Variants in ABAT observed in about 807,000 individuals in gnomAD.
ABAT encodes 4-aminobutyrate aminotransferase, mitochondrial.
A neutral mutation model predicts 64.6 loss-of-function variants in ABAT; 45 were observed. The ratio of observed to expected loss-of-function variants is 0.70; its 90% CI spans 0.55 to 0.89. The LOEUF (loss-of-function observed/expected upper bound fraction) is 0.89. Among genes scored for constraint, ABAT ranks in the 40% least tolerant of loss-of-function variants. The pLI is 0.00. For missense variants in ABAT, 633 were observed against 658.4 expected, an observed-to-expected ratio of 0.96 and a Z score of 0.42; for synonymous variants, 297 against 250.5, an observed-to-expected ratio of 1.19 and a Z score of -1.75.
intron 2 of ABAT, among the ~76,000 whole-genome samples, chr16:8,742,245 T>C (rs922862598): frequency 6.6e-6 from 1 of 152,190 alleles, no homozygotes; most frequent in Non-Finnish European, 1.5e-5. Context: ...CTCCAGTCAT[T>C]TCTCTCTGGA....
intron 3 of ABAT, 126 bp downstream of exon 3, chr16:8,746,224 G>A (rs2059324729): frequency 2.6e-6 from 2 of 773,818 alleles, no homozygotes; most frequent in Admixed American, 4.0e-5. Flanking sequence ...CACCACCAGA[G>A]ATCTGAGATA....
rs886052434 is a variant in ABAT at position 8,781,860 on chromosome 16, C to G, written c.*430C>G. On this transcript the variant is annotated 3_prime_UTR_variant, in exon 16 of 16. Transcript: ENST00000268251. The surrounding 1 kb of genome is among the most constrained non-coding windows in gnomAD (Gnocchi z 4.5). ...TTCTGTGATCACGGATGTTGGCTCCCCCTCGCCCTATGCAAGCAAACACAC... is the reference window on the plus strand; with the variant it reads ...TTCTGTGATCACGGATGTTGGCTCCGCCTCGCCCTATGCAAGCAAACACAC... 2.9e-6 allele frequency: 1 copy of G among 339,580 alleles called. No homozygotes were observed. Among genetic ancestry groups the G allele is most frequent in the South Asian group, 2.5e-5 (1 of 40,546 alleles). 21.0% of individuals were successfully genotyped at this position (339,580 alleles called of 1,614,324 possible).
intron 1 of ABAT, among the ~76,000 whole-genome samples, chr16:8,718,645 C>T (rs989718242): frequency 6.6e-6 from 1 of 152,184 alleles, no homozygotes; most frequent in Non-Finnish European, 1.5e-5. Flanking sequence ...CCTGAGCCAG[C>T]CCCTGCCTCT....
chr16:8,761,186 C>G (rs2059785690), intron 6 of ABAT, among the ~76,000 whole-genome samples: 2 of 149,832 alleles, frequency 1.3e-5, no homozygotes, highest in Admixed American at 1.3e-4. Flanking sequence ...CCCACCTTCC[C>G]TATCCCCCCA....
intron 2 of ABAT, among the ~76,000 whole-genome samples, chr16:8,744,769 G>A (rs1042739205): frequency 2.6e-5 from 4 of 151,752 alleles, no homozygotes; most frequent in Non-Finnish European, 5.9e-5. Context: ...TTGGGAGGCC[G>A]AGGCAGGAGA....
intron 1 of ABAT, among the ~76,000 whole-genome samples, chr16:8,679,022 A>C (rs1034697544): frequency 6.6e-6 from 1 of 152,164 alleles, no homozygotes; most frequent in African/African-American, 2.4e-5. Context: ...CCATGCATTA[A>C]AAATGAGCAA....
chr16:8,763,301 T>G (rs2059850564), intron 6 of ABAT, among the ~76,000 whole-genome samples: 2 of 152,152 alleles, frequency 1.3e-5, no homozygotes, highest in Non-Finnish European at 2.9e-5. Context: ...TCTCTGGTCC[T>G]CAGTTCCCCC....
intron 1 of ABAT, among the ~76,000 whole-genome samples, chr16:8,676,746 G>A (rs1413632531): frequency 6.6e-6 from 1 of 152,150 alleles, no homozygotes; most frequent in Non-Finnish European, 1.5e-5. Flanking sequence ...AAGAACTTTG[G>A]ACAGGTCCTG....
Position 8,769,304 on chromosome 16 carries a change from C to T in ABAT, c.816+331C>T, listed in dbSNP as rs376282857. On this transcript the variant is annotated intron_variant, in intron 11 of 15. Coordinates refer to ENST00000268251, the MANE Select transcript of ABAT (RefSeq NM_020686.6). ...AATATGGGGCTGGGCACGGTGGCTC[C>T]GCCTGTAATCCCAGCACTTTGGGAG... is the stretch of plus-strand genomic sequence containing the variant. 1.6e-4 allele frequency among the ~76,000 whole-genome samples: 24 copies of T among 152,178 alleles called. No homozygotes were observed. In the East Asian group the frequency reaches 3.5e-3, roughly 22 times the overall value.
At chr16:8,677,461 G>T (rs1030460848) in intron 1 of ABAT, among the ~76,000 whole-genome samples, 1 of 152,204 alleles carries the variant, frequency 6.6e-6, no homozygotes, top group Admixed American at 6.5e-5. Context: ...AGTCATTCAT[G>T]TCTCTGAACC....
chr16:8,681,300 T>A (rs1283336950), intron 1 of ABAT, among the ~76,000 whole-genome samples: 1 of 151,566 alleles, frequency 6.6e-6, no homozygotes, highest in Middle Eastern at 3.4e-3. Flanking sequence ...CCAGAGTTCT[T>A]TATATAAATA....
At chr16:8,691,347 G>A (rs1306557822) in intron 1 of ABAT, among the ~76,000 whole-genome samples, 2 of 152,138 alleles carry the variant, frequency 1.3e-5, no homozygotes, top group Non-Finnish European at 2.9e-5. Context: ...CTGAACACTT[G>A]CACCTGCCTG....
At chr16:8,676,752 T>A (rs191018502) in intron 1 of ABAT, among the ~76,000 whole-genome samples, 1 of 152,302 alleles carries the variant, frequency 6.6e-6, no homozygotes, top group Admixed American at 6.5e-5. Context: ...TTTGGACAGG[T>A]CCTGAGGATG....
In ABAT at chr16:8,678,166, T is replaced by C. The variant is rs184911868; in HGVS notation, c.-42+3455T>C. 1.7e-4 allele frequency among the ~76,000 whole-genome samples: 26 copies of C among 152,334 alleles called. No individual in the cohort carries two copies. The East Asian group carries it at 3.9e-3, about 23-fold the overall frequency. On this transcript the variant is annotated intron_variant, in intron 1 of 15. Coordinates refer to ENST00000268251, the MANE Select transcript of ABAT (RefSeq NM_020686.6). ...GGAGATGTGTCTAGCTGTGGAGCCT[T>C]CCAATATTAATAACAATTTTTAATT...
intron 1 of ABAT, among the ~76,000 whole-genome samples, chr16:8,730,071 A>G (rs2058675688): frequency 6.6e-6 from 1 of 152,194 alleles, no homozygotes; most frequent in Non-Finnish European, 1.5e-5. Flanking sequence ...GCCTGAAGAC[A>G]GGATAATGAC....
At chr16:8,728,424 G>T (rs925507599) in intron 1 of ABAT, among the ~76,000 whole-genome samples, 1 of 152,160 alleles carries the variant, frequency 6.6e-6, no homozygotes, top group East Asian at 1.9e-4. Flanking sequence ...AATGGAAATT[G>T]AATTGTGTGA....
At chr16:8,727,301 C>A (rs897984684) in intron 1 of ABAT, among the ~76,000 whole-genome samples, 3 of 152,070 alleles carry the variant, frequency 2.0e-5, no homozygotes, top group Non-Finnish European at 2.9e-5. Flanking sequence ...TCCAGATGAC[C>A]GCACCTTCAC....
At chr16:8,695,343 C>T (rs1405462581) in intron 1 of ABAT, among the ~76,000 whole-genome samples, 2 of 152,314 alleles carry the variant, frequency 1.3e-5, no homozygotes, top group South Asian at 2.1e-4. Context: ...AAGAGGCCAG[C>T]GCCTTGCTGT....
At position 8,764,129 on chromosome 16, in the gene ABAT, C is replaced by A; in HGVS notation, c.427C>A (p.Leu143Ile). 6.2e-7 allele frequency: 1 copy of A among 1,613,608 alleles called. No individual in the cohort carries two copies. The change falls in exon 7 of 16, where the codon CTC becomes ATC. Residue 143 changes from leucine (L) to isoleucine (I), a missense_variant. Transcript: ENST00000268251. The surrounding 1 kb of genome is among the most constrained non-coding windows in gnomAD (Gnocchi z 4.2). Reference sequence around the variant, plus strand: ...GCCTCCGGAGAACTTTGTGGAGAAGCTCCGGCAGTCCTTGCTCTCGGTGAG... The same window carrying A: ...GCCTCCGGAGAACTTTGTGGAGAAGATCCGGCAGTCCTTGCTCTCGGTGAG... Reference protein sequence around the residue: ...ILPPENFVEKLRQSLLSVAPK... With the variant: ...ILPPENFVEKIRQSLLSVAPK...
Sources: allele counts gnomAD v4.1 joint callset (sites outside exome capture counted in the v4.1 genomes callset), GRCh38; gene constraint gnomAD v4.1.1; non-coding constraint Gnocchi (gnomAD v3.1); transcripts MANE v1.5; gene names NCBI Gene and HGNC (gene_info 2026-07-23, HGNC 2026-07-21).